Variants in PKD2L2 observed in about 807,000 individuals in gnomAD.
PKD2L2 encodes the protein polycystin-2-like protein 2.
Under a neutral mutation model 83.9 loss-of-function variants are expected in PKD2L2, and 67 were observed. The ratio of observed to expected loss-of-function variants is 0.80; its 90% CI spans 0.66 to 0.98. The LOEUF is 0.98. PKD2L2 is among the 50% of genes least tolerant of loss of function. PKD2L2 has a pLI of 0.00. For missense variants in PKD2L2, 632 were observed against 717.2 expected (o/e 0.88, Z 1.36); for synonymous variants, 223 against 237.8 (o/e 0.94, Z 0.57).
chr5:137,906,823 C>T (rs1397910845), intron 6 of PKD2L2, among the ~76,000 whole-genome samples: 1 of 152,110 alleles, frequency 6.6e-6, no homozygotes, highest in African/African-American at 2.4e-5. Flanking sequence ...TTTTCCTTCT[C>T]ATAATAAATT....
intron 7 of PKD2L2, among the ~76,000 whole-genome samples, chr5:137,908,539 C>T (rs923854916): frequency 6.6e-6 from 1 of 151,254 alleles, no homozygotes; most frequent in African/African-American, 2.4e-5. Context: ...TGCAGTGAGC[C>T]GAGATCATGC....
intron 5 of PKD2L2, 65 bp from the exon 6 acceptor site, chr5:137,906,141 C>T (rs749388264): frequency 6.7e-6 from 6 of 896,242 alleles, no homozygotes; most frequent in Non-Finnish European, 1.1e-5. Context: ...TTGAAAATTT[C>T]ACATTAAGTA....
chr5:137,921,591 A>C (rs1168198065), intron 8 of PKD2L2, 45 bp from the exon 9 acceptor site: 2 of 1,237,154 alleles, frequency 1.6e-6, no homozygotes, highest in Non-Finnish European at 2.3e-6. Context: ...GTTGTCATGT[A>C]TGTACATAAA....
chr5:137,935,423 CT>C (rs1760248239), intron 12 of PKD2L2, among the ~76,000 whole-genome samples: 1 of 152,194 alleles, frequency 6.6e-6, no homozygotes, highest in Non-Finnish European at 1.5e-5. Flanking sequence ...CACAGATACA[CT>C]TTGAATCTAA....
In PKD2L2 at chr5:137,894,448, T is replaced by C. The variant is rs776242046; in HGVS notation, c.363T>C (p.Tyr121=). 1.2e-6 allele frequency: 2 copies of C among 1,613,826 alleles called. No homozygotes were observed. The highest frequency in any genetic ancestry group is 2.2e-5 in the South Asian group (2 of 91,078). The change falls in exon 4 of 15, where the codon TAT becomes TAC. Residue 121 remains tyrosine (Y), a synonymous_variant. Coordinates refer to ENST00000508883, the MANE Select transcript of PKD2L2 (RefSeq NM_001300921.2). ...YNLKNSSRIY[Y]ENILLGVPRV... The stretch of plus-strand genomic sequence containing the variant: ...TAAAGAACAGCAGTCGCATCTACTA[T>C]GAAAATATACTTCTAGGAGTTCCCA...
intron 5 of PKD2L2, among the ~76,000 whole-genome samples, chr5:137,905,066 T>C (rs1309009638): frequency 2.0e-5 from 3 of 152,234 alleles, no homozygotes; most frequent in African/African-American, 7.2e-5. Context: ...AAATTATTTT[T>C]ATGTTCTAAA....
At chr5:137,910,273 T>TAATAAA (rs1264847648) in intron 8 of PKD2L2, among the ~76,000 whole-genome samples, 6 of 139,930 alleles carry the variant, frequency 4.3e-5, no homozygotes, top group East Asian at 2.1e-4. Context: ...ATAATAATAA[T>TAATAAA]AAAACTTGGT....
intron 8 of PKD2L2, among the ~76,000 whole-genome samples, chr5:137,912,783 G>A (rs1757945913): frequency 1.3e-5 from 2 of 149,422 alleles, no homozygotes; most frequent in South Asian, 4.3e-4. Context: ...TTTTTAAATT[G>A]GATTATTTGT....
chr5:137,906,233 A>G lies in PKD2L2; in HGVS notation c.774A>G (p.Gly258=), dbSNP rs2150019007. The G allele has an allele frequency of 6.2e-7, 1 of 1,609,440 alleles. No individual in the cohort carries two copies. Among genetic ancestry groups the G allele is most frequent in the East Asian group, 2.2e-5 (1 of 44,772 alleles). Residue 258 remains glycine, a synonymous_variant, in exon 6 of 15, where the codon GGA becomes GGG. Coordinates refer to ENST00000508883, the MANE Select transcript of PKD2L2 (RefSeq NM_001300921.2). ...IRLVAEFPAT[G]GILTSWQFYS... ...TGGTGGCAGAATTCCCTGCAACTGG[A>G]GGAATACTTACTTCATGGCAGTTTT...
intron 5 of PKD2L2, among the ~76,000 whole-genome samples, chr5:137,903,394 T>C (rs565295205): frequency 1.4e-4 from 21 of 152,310 alleles, no homozygotes; most frequent in African/African-American, 4.8e-4. Flanking sequence ...GGCAAAAAGA[T>C]GTGAAGAACT....
chr5:137,923,159 G>C (rs747977619), intron 9 of PKD2L2, among the ~76,000 whole-genome samples: 1 of 151,926 alleles, frequency 6.6e-6, no homozygotes, highest in African/African-American at 2.4e-5. Flanking sequence ...GGGACTACAG[G>C]TGTGCACCAC....
At chr5:137,933,074 C>T (rs1027435110) in intron 12 of PKD2L2, among the ~76,000 whole-genome samples, 3 of 148,008 alleles carry the variant, frequency 2.0e-5, no homozygotes, top group African/African-American at 7.5e-5. Flanking sequence ...AAACCCACGA[C>T]CTTTCTCCCC....
intron 8 of PKD2L2, among the ~76,000 whole-genome samples, chr5:137,916,245 G>A (rs1071021): frequency 0.038 from 5,792 of 151,242 alleles, 136 homozygotes; most frequent in Middle Eastern, 0.058. Context: ...GCACGATCTC[G>A]GCTCACCACA....
chr5:137,933,520 TA>T (rs1430281741), intron 12 of PKD2L2, among the ~76,000 whole-genome samples: 2 of 152,180 alleles, frequency 1.3e-5, no homozygotes, highest in East Asian at 3.9e-4. Context: ...GAAATAGGAA[TA>T]GGGCTACAGT....
At chr5:137,919,709 G>A (rs1758716249) in intron 8 of PKD2L2, among the ~76,000 whole-genome samples, 1 of 152,118 alleles carries the variant, frequency 6.6e-6, no homozygotes, top group Non-Finnish European at 1.5e-5. Context: ...AATACTTTAG[G>A]TATGATTTGG....
intron 12 of PKD2L2, among the ~76,000 whole-genome samples, chr5:137,933,514 T>C (rs956702599): frequency 4.6e-5 from 7 of 152,038 alleles, no homozygotes; most frequent in African/African-American, 1.7e-4. Flanking sequence ...AAGAAGGAAA[T>C]AGGAATAGGG....
At chr5:137,911,089 T>C (rs1757796007) in intron 8 of PKD2L2, among the ~76,000 whole-genome samples, 1 of 152,130 alleles carries the variant, frequency 6.6e-6, no homozygotes, top group African/African-American at 2.4e-5. Context: ...TCTTGGAAAA[T>C]AAAAACTCTA....
At chr5:137,890,420 A>C in intron 1 of PKD2L2, 61 bp from the exon 2 acceptor site, 1 of 868,294 alleles carries the variant, frequency 1.2e-6, no homozygotes, top group Non-Finnish European at 1.9e-6. Context: ...TGGTTTTTCC[A>C]TTGTTGTCAC....
At chr5:137,896,124 C>A (rs1343187953) in intron 4 of PKD2L2, among the ~76,000 whole-genome samples, 2 of 151,458 alleles carry the variant, frequency 1.3e-5, no homozygotes, top group African/African-American at 4.9e-5. Flanking sequence ...TTGCATTGAG[C>A]CAAGATCGGA....
Sources: allele counts gnomAD v4.1 joint callset (sites outside exome capture counted in the v4.1 genomes callset), GRCh38; gene constraint gnomAD v4.1.1; transcripts MANE v1.5; gene names NCBI Gene and HGNC (gene_info 2026-07-23, HGNC 2026-07-21).